FAM168A: variants seen among roughly 807,000 people sequenced by gnomAD.
The protein encoded by FAM168A is family with sequence similarity 168 member A.
FAM168A carries 3 observed loss-of-function variants against 28.5 expected under a neutral mutation model. The ratio of observed to expected loss-of-function variants is 0.11; its 90% confidence interval spans 0.05 to 0.27. The LOEUF (loss-of-function observed/expected upper bound fraction) is 0.27, where lower values mean the gene tolerates loss of function less well. Among genes scored for constraint, FAM168A ranks in the 10% least tolerant of loss-of-function variants. FAM168A has a pLI of 1.00. For missense variants in FAM168A, 222 were observed against 311.5 expected (o/e 0.71, Z 2.16); for synonymous variants, 122 against 124.2 (o/e 0.98, Z 0.12).
Position 73,552,009 on chromosome 11 carries a change from C to T in FAM168A, c.-19+45914G>A, listed in dbSNP as rs115348965. 5.7e-3 allele frequency among the ~76,000 whole-genome samples: 874 copies of T among 152,348 alleles called. 8 individuals carry two copies. The highest frequency in any genetic ancestry group is 0.02 in the African/African-American group (829 of 41,576). On this transcript the variant is annotated intron_variant, in intron 1 of 7. Coordinates refer to ENST00000356467, the MANE Select transcript of FAM168A (RefSeq NM_015159.3). ...TGGGGAAAAGGAAGGAACGATCTCA[C>T]ATTTTTAAGAAAATATCTTTCAGTT...
chr11:73,545,874 T>C (rs1344310670), intron 1 of FAM168A, among the ~76,000 whole-genome samples: 1 of 151,872 alleles, frequency 6.6e-6, no homozygotes, highest in Non-Finnish European at 1.5e-5. Flanking sequence ...TTACTTAATA[T>C]TCACAACAAA....
chr11:73,453,984 C>G (rs1432634815), intron 2 of FAM168A, among the ~76,000 whole-genome samples: 1 of 152,144 alleles, frequency 6.6e-6, no homozygotes, highest in Non-Finnish European at 1.5e-5. Context: ...ATGGCTATAC[C>G]TGACCTTTCA....
chr11:73,450,121 C>T (rs1388654230), intron 2 of FAM168A, among the ~76,000 whole-genome samples: 1 of 152,194 alleles, frequency 6.6e-6, no homozygotes, highest in African/African-American at 2.4e-5. Context: ...TGGCTTGCAT[C>T]CCTGTGTCCA....
At chr11:73,597,820 C>G in intron 1 of FAM168A, 103 bp downstream of exon 1, 1 of 152,424 alleles carries the variant, frequency 6.6e-6, no homozygotes, top group South Asian at 2.1e-4. Context: ...ACCCCCTCCC[C>G]CCAACCTGCA....
chr11:73,551,626 C>T (rs145495328), intron 1 of FAM168A, among the ~76,000 whole-genome samples: 1 of 152,168 alleles, frequency 6.6e-6, no homozygotes, highest in South Asian at 2.1e-4. Flanking sequence ...TTCAGCCAGA[C>T]GATCACATCT....
chr11:73,557,936 T>C (rs1188443851), intron 1 of FAM168A, among the ~76,000 whole-genome samples: 1 of 152,148 alleles, frequency 6.6e-6, no homozygotes, highest in Admixed American at 6.6e-5. Flanking sequence ...GAAAAGTTTC[T>C]TCAACAAATG....
chr11:73,538,922 T>C (rs1943617817), intron 1 of FAM168A, among the ~76,000 whole-genome samples: 1 of 152,182 alleles, frequency 6.6e-6, no homozygotes, highest in Non-Finnish European at 1.5e-5. Flanking sequence ...TATGTTTGGT[T>C]ATGGAGATTT....
chr11:73,513,911 T>C (rs754346857), intron 1 of FAM168A, among the ~76,000 whole-genome samples: 3 of 152,108 alleles, frequency 2.0e-5, no homozygotes, highest in Non-Finnish European at 4.4e-5. Context: ...TGGCCAGGTA[T>C]GGTGACTCAT....
At chr11:73,428,074 G>A (rs1206164160) in intron 3 of FAM168A, among the ~76,000 whole-genome samples, 4 of 152,164 alleles carry the variant, frequency 2.6e-5, no homozygotes, top group Non-Finnish European at 5.9e-5. Context: ...ACATCTATCT[G>A]TGACCTTTCC....
At chr11:73,463,590 A>G (rs1454524078) in intron 2 of FAM168A, among the ~76,000 whole-genome samples, 1 of 152,226 alleles carries the variant, frequency 6.6e-6, no homozygotes, top group Non-Finnish European at 1.5e-5. Context: ...CAGCCTATAG[A>G]CAGCAGCTGA....
chr11:73,536,722 T>C (rs748087347), intron 1 of FAM168A, among the ~76,000 whole-genome samples: 1 of 152,074 alleles, frequency 6.6e-6, no homozygotes, highest in African/African-American at 2.4e-5. Context: ...TCTCCAAACC[T>C]AGGGTTTGTT....
chr11:73,560,204 T>C (rs1013771382), intron 1 of FAM168A, among the ~76,000 whole-genome samples: 2 of 151,446 alleles, frequency 1.3e-5, no homozygotes, highest in African/African-American at 4.9e-5. Context: ...GCTGAGACTA[T>C]AGACATGTGC....
intron 1 of FAM168A, among the ~76,000 whole-genome samples, chr11:73,567,153 G>C (rs1944030644): frequency 6.6e-6 from 1 of 152,178 alleles, no homozygotes; most frequent in Non-Finnish European, 1.5e-5. Context: ...TAAGGCAACA[G>C]CTGTGGGGAT....
chr11:73,471,074 A>G (rs1867807290), intron 1 of FAM168A, among the ~76,000 whole-genome samples: 1 of 152,216 alleles, frequency 6.6e-6, no homozygotes, highest in East Asian at 1.9e-4. Flanking sequence ...CCAGGGTTTC[A>G]AACTTTAGAA....
At chr11:73,578,388 G>A (rs1944201903) in intron 1 of FAM168A, among the ~76,000 whole-genome samples, 1 of 152,168 alleles carries the variant, frequency 6.6e-6, no homozygotes, top group Non-Finnish European at 1.5e-5. Flanking sequence ...TTTCATGGGT[G>A]TATATGTATG....
At chr11:73,579,373 A>G (rs957128724) in intron 1 of FAM168A, among the ~76,000 whole-genome samples, 2 of 152,242 alleles carry the variant, frequency 1.3e-5, no homozygotes, top group Non-Finnish European at 2.9e-5. Flanking sequence ...AGAAAGATTA[A>G]GTAACTATAT....
At chr11:73,484,574 ATATCGATATC>A (rs372583481) in intron 1 of FAM168A, among the ~76,000 whole-genome samples, 14 of 105,000 alleles carry the variant, frequency 1.3e-4, no homozygotes, top group African/African-American at 4.5e-4. Flanking sequence ...ATATATCTAT[ATATCGATATC>A]TATCTATATA....
chr11:73,584,299 A>C (rs536464985), intron 1 of FAM168A, among the ~76,000 whole-genome samples: 1 of 151,758 alleles, frequency 6.6e-6, no homozygotes, highest in South Asian at 2.1e-4. Flanking sequence ...CAGCCTCCCG[A>C]GTAGCTGGGA....
intron 2 of FAM168A, among the ~76,000 whole-genome samples, chr11:73,449,570 C>T (rs182722541): frequency 7.2e-5 from 11 of 152,352 alleles, no homozygotes; most frequent in Non-Finnish European, 1.6e-4. Flanking sequence ...CCTCTTTGGA[C>T]ACTGTGCCCA....
Sources: allele counts gnomAD v4.1 joint callset (sites outside exome capture counted in the v4.1 genomes callset), GRCh38; gene constraint gnomAD v4.1.1; transcripts MANE v1.5; gene names NCBI Gene and HGNC (gene_info 2026-07-23, HGNC 2026-07-21).